DOCK8: variants seen among roughly 807,000 people sequenced by gnomAD.
DOCK8 encodes the protein dedicator of cytokinesis 8, also known as dedicator of cytokinesis protein 8.
A neutral mutation model predicts 245.6 loss-of-function variants in DOCK8; 141 were observed. That is an observed-to-expected ratio of 0.57 (90% CI 0.50 to 0.66). The LOEUF (loss-of-function observed/expected upper bound fraction) is 0.66, where lower values mean the gene tolerates loss of function less well. Among genes scored for constraint, DOCK8 ranks in the 30% least tolerant of loss-of-function variants. DOCK8 has a pLI of 0.00. For missense variants in DOCK8, 2,965 were observed against 2,603.4 expected (o/e 1.14, Z -3.02); for synonymous variants, 1,168 against 970.2 (o/e 1.20, Z -3.79).
chr9:354,582 G>A (rs899802612), intron 14 of DOCK8, among the ~76,000 whole-genome samples: 3 of 152,148 alleles, frequency 2.0e-5, no homozygotes, highest in South Asian at 4.1e-4. Flanking sequence ...CTGAGCTTTC[G>A]AAAAGTGCAG....
At chr9:234,259 G>C (rs1053826878) in intron 1 of DOCK8, among the ~76,000 whole-genome samples, 1 of 152,170 alleles carries the variant, frequency 6.6e-6, no homozygotes, top group African/African-American at 2.4e-5. Flanking sequence ...TTTCTGCCAA[G>C]AGATCAGCTC....
chr9:261,632 C>T (rs1189854913), intron 1 of DOCK8, among the ~76,000 whole-genome samples: 1 of 152,162 alleles, frequency 6.6e-6, no homozygotes, highest in Non-Finnish European at 1.5e-5. Flanking sequence ...GTCTGTTTAT[C>T]ATGTTCAAGC....
At position 217,017 on chromosome 9, in the gene DOCK8, A is replaced by G. The variant is rs373612883; in HGVS notation, c.53+1988A>G. On this transcript the variant is annotated intron_variant, in intron 1 of 47. Coordinates refer to ENST00000432829, the MANE Select transcript of DOCK8 (RefSeq NM_203447.4). Reference sequence around the variant, plus strand: ...TGTGCCAAGTAGAGTTGATCATAGTACCTACTTCTTATGACTGTGGGGAGG... The same window carrying G: ...TGTGCCAAGTAGAGTTGATCATAGTGCCTACTTCTTATGACTGTGGGGAGG... Among the ~76,000 whole-genome samples, 14 of 152,258 alleles carry G rather than the reference A, an allele frequency of 9.2e-5. No homozygotes were observed. The East Asian group carries it at 1.9e-3, about 21-fold the overall frequency.
chr9:276,805 C>CATTT lies in DOCK8; in HGVS notation c.156+5094_156+5097dup, dbSNP rs541660345. 1.5e-3 allele frequency among the ~76,000 whole-genome samples: 233 copies of CATTT among 152,146 alleles called. 2 individuals are homozygous for CATTT. Among genetic ancestry groups the CATTT allele is most frequent in the South Asian group, 5.0e-3 (24 of 4,800 alleles). ...AAACTGTAATATACTATTGTCTTTT[C>CATTT]ATTTATTTATTTATTTATTTAGAGA... On this transcript the variant is annotated intron_variant, in intron 2 of 47. Transcript: ENST00000432829.
chr9:403,964 A>ATATATATATGTG (rs1564021789), intron 26 of DOCK8, among the ~76,000 whole-genome samples: 6 of 75,698 alleles, frequency 7.9e-5, no homozygotes, highest in Admixed American at 1.5e-4. Flanking sequence ...ATATATGTAT[A>ATATATATATGTG]TATATATATA....
intron 28 of DOCK8, 67 bp downstream of exon 28, chr9:407,136 A>C (rs1238328431): frequency 3.1e-6 from 5 of 1,605,288 alleles, no homozygotes; most frequent in Non-Finnish European, 4.3e-6. Flanking sequence ...TAAAATTTGC[A>C]GTCTAGCTTC....
intron 1 of DOCK8, among the ~76,000 whole-genome samples, chr9:231,710 G>C (rs938991753): frequency 9.2e-5 from 14 of 152,168 alleles, no homozygotes; most frequent in African/African-American, 3.4e-4. Flanking sequence ...GTCTGTTATT[G>C]GTGTATAAGA....
At chr9:264,658 G>A (rs974162424) in intron 1 of DOCK8, among the ~76,000 whole-genome samples, 7 of 152,160 alleles carry the variant, frequency 4.6e-5, no homozygotes, top group African/African-American at 1.4e-4. Context: ...GAGATCTATA[G>A]ATATATGTGT....
chr9:431,086 C>T lies in DOCK8; in HGVS notation c.4627-1080C>T, dbSNP rs2056693400. 4.6e-5 allele frequency among the ~76,000 whole-genome samples: 7 copies of T among 152,106 alleles called. No homozygotes were observed. In the South Asian group the frequency reaches 1.5e-3, roughly 32 times the overall value. On this transcript the variant is annotated intron_variant, in intron 36 of 47. Coordinates refer to ENST00000432829, the MANE Select transcript of DOCK8 (RefSeq NM_203447.4). ...GACAGGGTCTTGCTGCATGCCCAGG[C>T]TGGTCTAGAACACCTGAGCTCAAGT...
chr9:226,391 A>G (rs992117756), intron 1 of DOCK8, among the ~76,000 whole-genome samples: 3 of 152,200 alleles, frequency 2.0e-5, no homozygotes, highest in East Asian at 1.9e-4. Flanking sequence ...AAGCCAAACC[A>G]TATCAAATGG....
intron 40 of DOCK8, among the ~76,000 whole-genome samples, chr9:440,617 A>G (rs1333975262): frequency 6.6e-6 from 1 of 152,240 alleles, no homozygotes; most frequent in African/African-American, 2.4e-5. Context: ...GGAGGCATAC[A>G]TTTAGCATCT....
At chr9:268,586 A>T (rs2048087350) in intron 1 of DOCK8, among the ~76,000 whole-genome samples, 1 of 152,238 alleles carries the variant, frequency 6.6e-6, no homozygotes, top group African/African-American at 2.4e-5. Context: ...TTCTTATTTC[A>T]GATAGACCAC....
intron 43 of DOCK8, 89 bp downstream of exon 43, chr9:443,605 C>G: frequency 1.9e-6 from 2 of 1,045,746 alleles, no homozygotes. Flanking sequence ...TCTATCTGGA[C>G]TCTCCAAGTC....
At chr9:282,322 G>A (rs1380217539) in intron 2 of DOCK8, among the ~76,000 whole-genome samples, 6 of 151,646 alleles carry the variant, frequency 4.0e-5, no homozygotes, top group Non-Finnish European at 8.8e-5. Flanking sequence ...AGTCTCTCCT[G>A]TAGATAACAG....
At chr9:424,200 T>G (rs2131668470) in intron 33 of DOCK8, among the ~76,000 whole-genome samples, 1 of 152,208 alleles carries the variant, frequency 6.6e-6, no homozygotes, top group African/African-American at 2.4e-5. Flanking sequence ...CTCTGTTTCT[T>G]TTAGAGCAAT....
At chr9:375,493 A>C (rs536181689) in intron 18 of DOCK8, among the ~76,000 whole-genome samples, 1 of 152,230 alleles carries the variant, frequency 6.6e-6, no homozygotes, top group Non-Finnish European at 1.5e-5. Flanking sequence ...TTAAAATTTC[A>C]TGTCTTGTAA....
At chr9:417,123 T>TTTA (rs1314900861) in intron 29 of DOCK8, among the ~76,000 whole-genome samples, 2 of 152,152 alleles carry the variant, frequency 1.3e-5, no homozygotes, top group Non-Finnish European at 2.9e-5. Flanking sequence ...GGCGAAACCC[T>TTTA]GTCTCCACTA....
Position 226,450 on chromosome 9 carries a change from G to C in DOCK8, c.53+11421G>C, listed in dbSNP as rs576465899. Reference sequence around the variant, plus strand: ...ATGCGATTGACTTTTGTGTTTAAAAGATCTATTGTACAAAGAAGCAAGGAA... The same window carrying C: ...ATGCGATTGACTTTTGTGTTTAAAACATCTATTGTACAAAGAAGCAAGGAA... On this transcript the variant is annotated intron_variant, in intron 1 of 47. Transcript: ENST00000432829. Among the ~76,000 whole-genome samples, 5 of 152,238 alleles carry C rather than the reference G, an allele frequency of 3.3e-5. No homozygotes were observed. The East Asian group carries it at 9.7e-4, about 29-fold the overall frequency.
chr9:393,816 T>G (rs1346658910), intron 24 of DOCK8, among the ~76,000 whole-genome samples: 1 of 152,162 alleles, frequency 6.6e-6, no homozygotes, highest in Non-Finnish European at 1.5e-5. Flanking sequence ...GGACAGAGTT[T>G]CCGTTGCCCA....
Sources: gnomAD v4.1 joint callset for allele counts (sites outside exome capture counted in the v4.1 genomes callset) on GRCh38, gnomAD v4.1.1 for gene constraint, MANE v1.5 for transcripts, NCBI Gene and HGNC (gene_info 2026-07-23, HGNC 2026-07-21) for gene names.